Variants in GALNT13 observed in about 807,000 individuals in gnomAD.
GALNT13 encodes UDP-GalNAc:polypeptide N-acetylgalactosaminyltransferase 13.
Under a neutral mutation model 64.2 loss-of-function variants are expected in GALNT13, and 28 were observed. The ratio of observed to expected loss-of-function variants is 0.44; its 90% CI spans 0.32 to 0.60. GALNT13 has a LOEUF of 0.60. Ranked by LOEUF, GALNT13 falls within the 20% of genes least tolerant of loss-of-function variation. GALNT13 has a pLI of 0.05. For synonymous variants in GALNT13, 214 were observed against 224.6 expected (o/e 0.95, Z 0.42); for missense variants, 577 against 669.8 (o/e 0.86, Z 1.53).
chr2:154,197,964 C>A (rs5004520), intron 4 of GALNT13, among the ~76,000 whole-genome samples: 70,484 of 151,008 alleles, frequency 0.47, 17,277 homozygotes, highest in Middle Eastern at 0.62. Flanking sequence ...TAATAAACCC[C>A]ATTTTATATT....
the GALNT13 span, among the ~76,000 whole-genome samples, chr2:153,433,951 G>A: frequency 6.6e-6 from 1 of 151,882 alleles, no homozygotes; most frequent in Non-Finnish European, 1.5e-5. Context: ...TTAGCATTAG[G>A]TATATCTCCT....
the GALNT13 span, among the ~76,000 whole-genome samples, chr2:153,467,949 G>T: frequency 6.6e-6 from 1 of 151,988 alleles, no homozygotes; most frequent in Non-Finnish European, 1.5e-5. Context: ...ATTGAAAACA[G>T]GATAGAAGAA....
chr2:154,454,331 T>C (rs1429977687), downstream of GALNT13, among the ~76,000 whole-genome samples: 2 of 152,114 alleles, frequency 1.3e-5, no homozygotes, highest in East Asian at 3.9e-4. Flanking sequence ...CTCAAAAAAT[T>C]ATAGAAATGG....
At position 154,451,393 on chromosome 2, in the gene GALNT13, C is replaced by T. The variant is rs1283575483; in HGVS notation, c.*842C>T. On this transcript the variant is annotated 3_prime_UTR_variant, in exon 13 of 13. Transcript: ENST00000392825. ...CAAACTCTACCATCCCTTTTCTCTT[C>T]ACTCTATAGACAGTGGCATGCCATT... 1 of 152,094 alleles carries T rather than the reference C, an allele frequency of 6.6e-6. No homozygotes were observed. The highest frequency in any genetic ancestry group is 1.5e-5 in the Non-Finnish European group (1 of 68,034). The allele number at this position is 152,094 out of a possible 1,614,324, so 9.4% of individuals were successfully genotyped here.
intron 9 of GALNT13, among the ~76,000 whole-genome samples, chr2:154,377,962 C>T (rs754144166): frequency 1.3e-5 from 2 of 152,110 alleles, no homozygotes; most frequent in Non-Finnish European, 1.5e-5. Flanking sequence ...TCTCTAAAGA[C>T]GTGCCACCCT....
the GALNT13 span, among the ~76,000 whole-genome samples, chr2:153,451,388 A>C: frequency 6.6e-6 from 1 of 152,272 alleles, no homozygotes; most frequent in Non-Finnish European, 1.5e-5. Flanking sequence ...AATGTACATA[A>C]TTTTTCTCTT....
At chr2:154,423,389 T>C (rs1422825807) in intron 11 of GALNT13, among the ~76,000 whole-genome samples, 4 of 152,194 alleles carry the variant, frequency 2.6e-5, no homozygotes, top group Non-Finnish European at 5.9e-5. Flanking sequence ...CATGTGTCTT[T>C]ATAGTAGCAT....
At chr2:153,358,007 T>C in the GALNT13 span, among the ~76,000 whole-genome samples, 3 of 152,186 alleles carry the variant, frequency 2.0e-5, no homozygotes, top group Non-Finnish European at 4.4e-5. Flanking sequence ...CAAACAGAGA[T>C]GTTAAGGATT....
the GALNT13 span, among the ~76,000 whole-genome samples, chr2:153,763,433 G>T: frequency 6.6e-6 from 1 of 152,120 alleles, no homozygotes; most frequent in African/African-American, 2.4e-5. Context: ...CATGGGGGCA[G>T]TTTTCCCCAT....
chr2:153,895,217 A>G (rs187281340), intron 1 of GALNT13, among the ~76,000 whole-genome samples: 27 of 152,230 alleles, frequency 1.8e-4, no homozygotes, highest in East Asian at 1.9e-4. Flanking sequence ...CATTGTTGCT[A>G]TAAATTGGTG....
At chr2:153,777,442 C>G in the GALNT13 span, among the ~76,000 whole-genome samples, 1 of 152,084 alleles carries the variant, frequency 6.6e-6, no homozygotes, top group East Asian at 1.9e-4. Flanking sequence ...ATCACCAATG[C>G]GATAGTTTAA....
chr2:153,327,403 C>A, the GALNT13 span, among the ~76,000 whole-genome samples: 8 of 152,110 alleles, frequency 5.3e-5, no homozygotes, highest in African/African-American at 1.9e-4. Context: ...TGTTTTCCAA[C>A]TTGGTTCCAT....
At chr2:153,698,880 A>G in the GALNT13 span, among the ~76,000 whole-genome samples, 1 of 152,206 alleles carries the variant, frequency 6.6e-6, no homozygotes, top group Admixed American at 6.5e-5. Flanking sequence ...AAATCATAAC[A>G]AAAAGTCTCT....
chr2:153,994,941 C>T (rs1695419556), intron 3 of GALNT13, among the ~76,000 whole-genome samples: 2 of 151,808 alleles, frequency 1.3e-5, no homozygotes, highest in South Asian at 4.2e-4. Context: ...TATAACTAAA[C>T]TATTTTAGAG....
the GALNT13 span, among the ~76,000 whole-genome samples, chr2:153,124,499 GT>G: frequency 6.6e-6 from 1 of 151,270 alleles, no homozygotes; most frequent in Middle Eastern, 3.4e-3. Context: ...AGCTCGCTTT[GT>G]TTTGTTTGTT....
the GALNT13 span, among the ~76,000 whole-genome samples, chr2:153,618,793 G>A: frequency 6.6e-6 from 1 of 151,620 alleles, no homozygotes. Context: ...CTCTTTTTAT[G>A]GTTTTTGTCT....
chr2:153,990,345 T>C (rs1189375417), intron 3 of GALNT13, among the ~76,000 whole-genome samples: 2 of 152,118 alleles, frequency 1.3e-5, no homozygotes, highest in Non-Finnish European at 2.9e-5. Flanking sequence ...AATGGTGTGT[T>C]CTTTGTGTTA....
At chr2:153,597,178 C>T in the GALNT13 span, among the ~76,000 whole-genome samples, 2 of 152,018 alleles carry the variant, frequency 1.3e-5, no homozygotes, top group Admixed American at 6.6e-5. Flanking sequence ...AGGCACAGTG[C>T]AAAATGAAAA....
At chr2:153,600,741 T>C in the GALNT13 span, among the ~76,000 whole-genome samples, 2 of 152,048 alleles carry the variant, frequency 1.3e-5, no homozygotes, top group Non-Finnish European at 2.9e-5. Flanking sequence ...GAATTAACTT[T>C]CTCAGTATTT....
Sources: gnomAD v4.1 joint callset for allele counts (sites outside exome capture counted in the v4.1 genomes callset) on GRCh38, gnomAD v4.1.1 for gene constraint, MANE v1.5 for transcripts, NCBI Gene and HGNC (gene_info 2026-07-23, HGNC 2026-07-21) for gene names.